Variants in PKN3 observed in about 807,000 individuals in gnomAD.
PKN3 encodes protein kinase N3.
A neutral mutation model predicts 113.1 loss-of-function variants in PKN3; 91 were observed. The ratio of observed to expected loss-of-function variants is 0.80; its 90% CI spans 0.68 to 0.96. The LOEUF is 0.96. Ranked by LOEUF, PKN3 falls within the 40% of genes least tolerant of loss-of-function variation. The probability of loss-of-function intolerance (pLI) is 0.00; values close to 1 mark genes in which losing one functional copy is unlikely to be tolerated. For synonymous variants in PKN3, 467 were observed against 499.0 expected (o/e 0.94, Z 0.85); for missense variants, 1,052 against 1,202.2 (o/e 0.88, Z 1.85).
Position 128,707,042 on chromosome 9 carries a change from C to T in PKN3, c.651+19C>T, listed in dbSNP as rs765380946. On this transcript the variant is annotated intron_variant, in intron 5 of 21. Transcript: ENST00000291906. Reference sequence around the variant, plus strand: ...GGCTGAGGTCAGGCCCCAGCCCTGGCCCTCTCCTAAGGCTGGCTTGTTCCC... The same window carrying T: ...GGCTGAGGTCAGGCCCCAGCCCTGGTCCTCTCCTAAGGCTGGCTTGTTCCC... 2 of 1,613,966 alleles carry T rather than the reference C, an allele frequency of 1.2e-6. No homozygotes were observed. The highest frequency in any genetic ancestry group is 1.7e-6 in the Non-Finnish European group (2 of 1,179,988).
chr9:128,705,452 G>A lies in PKN3; in HGVS notation c.174G>A (p.Arg58=). 6.3e-7 allele frequency: 1 copy of A among 1,577,928 alleles called. No individual in the cohort carries two copies. The highest frequency in any genetic ancestry group is 8.6e-7 in the Non-Finnish European group (1 of 1,162,640). ...TGGGCCATGTGCAGCAGCTGCTGCG[G>A]TCCTCCAACCGCCGCCTGGAGCAGC... The part of the protein sequence containing the change: ...RHLGHVQQLL[R]SSNRRLEQLH... The change falls in exon 2 of 22, where the codon CGG becomes CGA. Residue 58 remains arginine, a synonymous_variant. Coordinates refer to ENST00000291906, the MANE Select transcript of PKN3 (RefSeq NM_013355.5).
chr9:128,706,309 C>T (rs1324090285), intron 3 of PKN3, among the ~76,000 whole-genome samples: 1 of 151,120 alleles, frequency 6.6e-6, no homozygotes, highest in Non-Finnish European at 1.5e-5. Context: ...CTGCCCTCAT[C>T]TAATGGGGGA....
intron 1 of PKN3, 45 bp from the exon 2 acceptor site, chr9:128,705,258 A>G: frequency 6.5e-7 from 1 of 1,545,672 alleles, no homozygotes; most frequent in South Asian, 1.2e-5. Flanking sequence ...TGGCCGCTGC[A>G]CCCCATGGCT....
chr9:128,716,983 ACT>A, intron 16 of PKN3, 60 bp downstream of exon 16: 1 of 1,415,556 alleles, frequency 7.1e-7, no homozygotes. Context: ...CCCTACACCC[ACT>A]CTCTACATAC....
intron 1 of PKN3, among the ~76,000 whole-genome samples, chr9:128,703,181 C>CA (rs1331635095): frequency 6.6e-6 from 1 of 152,226 alleles, no homozygotes; most frequent in Non-Finnish European, 1.5e-5. Flanking sequence ...GACTGAACCC[C>CA]AACCAGCCCG....
chr9:128,717,036 G>A (rs1475381708), intron 16 of PKN3, 113 bp downstream of exon 16: 2 of 792,148 alleles, frequency 2.5e-6, no homozygotes, highest in Non-Finnish European at 4.1e-6. Flanking sequence ...GCAGGAGTCA[G>A]AGGCCTTGGT....
At chr9:128,703,654 AG>A (rs1861920874) in intron 1 of PKN3, 2 of 985,220 alleles carry the variant, frequency 2.0e-6, no homozygotes, top group Non-Finnish European at 2.4e-6. Context: ...CCCCGCAAAG[AG>A]CGGAAAGGAG....
At chr9:128,705,213 C>A (rs978902826) in intron 1 of PKN3, 90 bp from the exon 2 acceptor site, 1 of 1,493,008 alleles carries the variant, frequency 6.7e-7, no homozygotes, top group African/African-American at 1.4e-5. Context: ...CCGTCCCTTC[C>A]TTCGCCTCCA....
At chr9:128,718,211 C>T (rs1589493004) in intron 16 of PKN3, 114 bp from the exon 17 acceptor site, 1 of 803,302 alleles carries the variant, frequency 1.2e-6, no homozygotes. Flanking sequence ...TCACTCATCT[C>T]TGACTCTGGC....
Position 128,720,129 on chromosome 9 carries a change from C to T in PKN3, c.2377-74C>T, listed in dbSNP as rs563857123. 485 of 1,543,224 alleles carry T rather than the reference C, an allele frequency of 3.1e-4. 1 individual carries two copies. In the African/African-American group the frequency reaches 5.3e-3, roughly 17 times the overall value. On this transcript the variant is annotated intron_variant, in intron 20 of 21. Transcript: ENST00000291906. This position sits in a 1 kb window ranked among gnomAD's most constrained non-coding sequence, Gnocchi z 5.5. ...CCATCCTTAGAGCGCTCTGGGCCAG[C>T]GTGCTTGGGGCCTGTGGATGATGGC...
chr9:128,703,452 C>G, intron 1 of PKN3: 1 of 984,926 alleles, frequency 1.0e-6, no homozygotes, highest in Non-Finnish European at 1.2e-6. Context: ...TCCCCCGCCC[C>G]AGGGCGGGAA....
rs368495780 is a variant in PKN3, at chr9:128,706,795, G to T, written c.494G>T (p.Ser165Ile). Residue 165 changes from serine to isoleucine, a missense_variant, in exon 4 of 22, where the codon AGC becomes ATC. Ser to Ile is a moderately radical substitution (Grantham distance 142). This residue lies in a region of PKN3 where 719 missense variants were observed against 759.4 expected (regional missense o/e 0.95). Coordinates refer to ENST00000291906, the MANE Select transcript of PKN3 (RefSeq NM_013355.5). ...KVALLRMKIS[S>I]LEASGSPEPG... The stretch of plus-strand genomic sequence containing the variant: ...GCCCTGCTGCGGATGAAGATCAGCA[G>T]CCTGGAGGCCAGTGGGTCCCCGGAG... 86 of 1,610,492 alleles carry T rather than the reference G, an allele frequency of 5.3e-5. No individual in the cohort carries two copies. The highest frequency in any genetic ancestry group is 6.9e-5 in the Non-Finnish European group (81 of 1,177,756).
chr9:128,708,408 A>G (rs1564371623), intron 6 of PKN3, among the ~76,000 whole-genome samples: 1 of 151,836 alleles, frequency 6.6e-6, no homozygotes, highest in Admixed American at 6.6e-5. Context: ...ATTTCCTTGG[A>G]AAAAAAATAA....
chr9:128,707,480 G>A lies in PKN3; in HGVS notation c.835+75G>A, dbSNP rs1326716424. ...GGCCGGAAGCACAAACAACTCTGAT[G>A]AAGAGTTCAAGAGTTCCAGTCCTGC... On this transcript the variant is annotated intron_variant, in intron 6 of 21. Transcript: ENST00000291906. 1.5e-5 allele frequency: 19 copies of A among 1,286,880 alleles called. No individual in the cohort carries two copies. The East Asian group carries it at 4.4e-4, about 30-fold the overall frequency. 79.7% of individuals were successfully genotyped at this position (1,286,880 alleles called of 1,614,324 possible).
chr9:128,704,891 C>T (rs971520194), intron 1 of PKN3, among the ~76,000 whole-genome samples: 5 of 148,934 alleles, frequency 3.4e-5, no homozygotes, highest in Non-Finnish European at 7.4e-5. Flanking sequence ...GCACTCCAGC[C>T]TGGGCAACAA....
Position 128,705,481 on chromosome 9 carries a change from A to T in PKN3, c.203A>T (p.His68Leu). 6.4e-7 allele frequency: 1 copy of T among 1,564,990 alleles called. No homozygotes were observed. The change falls in exon 2 of 22, where the codon CAT (histidine) becomes CTT (leucine). Residue 68 changes from histidine (H) to leucine (L), a missense_variant. This residue lies in a region of PKN3 where 719 missense variants were observed against 759.4 expected (regional missense o/e 0.95). Coordinates refer to ENST00000291906, the MANE Select transcript of PKN3 (RefSeq NM_013355.5). ...RSSNRRLEQL[H>L]GELRELHARI... ...TCCAACCGCCGCCTGGAGCAGCTGC[A>T]TGGCGAGCTGCGGGAGCTGCACGCC...
chr9:128,720,079 C>T lies in PKN3; in HGVS notation c.2376+62C>T, dbSNP rs561303349. On this transcript the variant is annotated intron_variant, in intron 20 of 21. Transcript: ENST00000291906. The surrounding 1 kb of genome is among the most constrained non-coding windows in gnomAD (Gnocchi z 5.5). ...CGCTCAAGGCCCATGTGCCCTCTGC[C>T]GTGGGACAGCAGACCCCCTGCCACC... The T allele has an allele frequency of 2.9e-5, 44 of 1,535,816 alleles. No homozygotes were observed. The highest frequency in any genetic ancestry group is 3.6e-5 in the Non-Finnish European group (40 of 1,109,918).
At chr9:128,704,075 AG>A in intron 1 of PKN3, 1 of 985,090 alleles carries the variant, frequency 1.0e-6, no homozygotes, top group Non-Finnish European at 1.2e-6. Context: ...GGGGTCCCTG[AG>A]TCTGGGGTTG....
rs779420480 is a variant in PKN3 at position 128,718,539 on chromosome 9, T to C, written c.2049-10T>C. On this transcript the variant is annotated splice_polypyrimidine_tract_variant and intron_variant, in intron 17 of 21. Coordinates refer to ENST00000291906, the MANE Select transcript of PKN3 (RefSeq NM_013355.5). ...CACTCAGTCCCTTTGATCTGCACCC[T>C]TGCCCTCAGGGACCTGAAGTTGGAT... 20 of 1,613,604 alleles carry C rather than the reference T, an allele frequency of 1.2e-5. No homozygotes were observed. The highest frequency in any genetic ancestry group is 8.5e-7 in the Non-Finnish European group (1 of 1,179,712).
Sources: allele counts gnomAD v4.1 joint callset (sites outside exome capture counted in the v4.1 genomes callset), GRCh38; gene constraint gnomAD v4.1.1; regional missense constraint gnomAD v4.1.1; non-coding constraint Gnocchi (gnomAD v3.1); transcripts MANE v1.5; gene names NCBI Gene and HGNC (gene_info 2026-07-23, HGNC 2026-07-21).